Variants in NFILZ observed in about 807,000 individuals in gnomAD.
NFILZ encodes the protein NFIL3 like basic leucine zipper, also known as NFIL3 like protein.
intron 3 of NFILZ, among the ~76,000 whole-genome samples, chr19:8,647,927 C>G (rs546159554): frequency 6.6e-6 from 1 of 151,716 alleles, no homozygotes; most frequent in Non-Finnish European, 1.5e-5. Context: ...AATCCCAGCA[C>G]TTTGGGAGGC....
intron 3 of NFILZ, among the ~76,000 whole-genome samples, chr19:8,653,034 TTCTTTCTCTCTCTC>T (rs1242119011): frequency 2.7e-3 from 155 of 57,470 alleles, no homozygotes; most frequent in African/African-American, 9.0e-3. Flanking sequence ...CTTTCTTTCT[TTCTTTCTCTCTCTC>T]TCTCTCTCTC....
At chr19:8,671,937 G>T (rs1555750308) in intron 3 of NFILZ, among the ~76,000 whole-genome samples, 1 of 152,190 alleles carries the variant, frequency 6.6e-6, no homozygotes, top group Admixed American at 6.5e-5. Flanking sequence ...AGCTGTCTGG[G>T]CAGTGGAAGA....
intron 3 of NFILZ, among the ~76,000 whole-genome samples, chr19:8,654,192 A>G (rs2042981648): frequency 6.6e-6 from 1 of 152,094 alleles, no homozygotes; most frequent in Non-Finnish European, 1.5e-5. Flanking sequence ...AGGTCGTCTC[A>G]TTGCACTCCA....
At chr19:8,674,130 G>A (rs559583712) in intron 3 of NFILZ, among the ~76,000 whole-genome samples, 18 of 152,132 alleles carry the variant, frequency 1.2e-4, no homozygotes, top group Non-Finnish European at 2.4e-4. Context: ...ATGAGCCACC[G>A]CGCTTGGCCT....
chr19:8,657,569 T>A (rs1304579038), intron 3 of NFILZ, among the ~76,000 whole-genome samples: 1 of 152,120 alleles, frequency 6.6e-6, no homozygotes. Context: ...CCAGCTGTTG[T>A]CTGCTGGAGT....
At chr19:8,661,684 G>A (rs1445432092) in intron 3 of NFILZ, among the ~76,000 whole-genome samples, 1 of 152,184 alleles carries the variant, frequency 6.6e-6, no homozygotes, top group Admixed American at 6.5e-5. Context: ...TTGAGGTCAG[G>A]AGTTCGAGAC....
chr19:8,656,284 C>CCCGCAG lies in NFILZ; in HGVS notation c.-163-18265_-163-18264insGCAGCC, dbSNP rs1420223130. Among the ~76,000 whole-genome samples, 14 of 50,922 alleles carry CCCGCAG rather than the reference C, an allele frequency of 2.7e-4. 1 individual carries two copies. The highest frequency in any genetic ancestry group is 8.5e-4 in the South Asian group (1 of 1,178). The allele number at this position is 50,922 out of a possible 152,430, so 33.4% of individuals were successfully genotyped here. ...ATCTTCTCTCTGAAGCCCACCTTCT[C>CCCGCAG]CCCACAGCCCACCTCCTCCCGCAGC... is the stretch of plus-strand genomic sequence containing the variant. On this transcript the variant is annotated intron_variant, in intron 3 of 5. Coordinates refer to ENST00000691075, the MANE Select transcript of NFILZ (RefSeq NM_001378600.1).
chr19:8,642,953 CT>C (rs35200818), intron 3 of NFILZ, among the ~76,000 whole-genome samples: 36 of 139,276 alleles, frequency 2.6e-4, no homozygotes, highest in Admixed American at 2.2e-4. Flanking sequence ...GATTTTGACT[CT>C]TTTTTTTTTT....
chr19:8,678,374 A>G lies in NFILZ; in HGVS notation c.*739A>G, dbSNP rs1332010366. ...CATTTGTTTTTCCTTCTATCTATCCATCCATCCATTCATTCATCCACCCAT... is the reference window on the plus strand; with the variant it reads ...CATTTGTTTTTCCTTCTATCTATCCGTCCATCCATTCATTCATCCACCCAT... On this transcript the variant is annotated 3_prime_UTR_variant, in exon 6 of 6. Transcript: ENST00000691075. Among the ~76,000 whole-genome samples the G allele has an allele frequency of 6.6e-6, 1 of 150,690 alleles. No individual in the cohort carries two copies. Among genetic ancestry groups the G allele is most frequent in the African/African-American group, 2.4e-5 (1 of 40,840 alleles).
chr19:8,663,793 G>A (rs2043048999), intron 3 of NFILZ, among the ~76,000 whole-genome samples: 1 of 46,454 alleles, frequency 2.2e-5, no homozygotes, highest in Non-Finnish European at 4.3e-5. Flanking sequence ...TTTGTTGTGG[G>A]GGGGACTTGG....
chr19:8,656,350 T>TC (rs2042996690), intron 3 of NFILZ, among the ~76,000 whole-genome samples: 8 of 103,932 alleles, frequency 7.7e-5, no homozygotes, highest in African/African-American at 1.8e-4. Context: ...GAAGCCCACC[T>TC]CTTCCCTGAA....
intron 4 of NFILZ, among the ~76,000 whole-genome samples, chr19:8,675,853 T>C (rs2043107922): frequency 6.6e-6 from 1 of 152,152 alleles, no homozygotes; most frequent in South Asian, 2.1e-4. Context: ...GAAGAGTGAC[T>C]GACACATAGG....
chr19:8,647,519 C>T (rs1203073596), intron 3 of NFILZ, among the ~76,000 whole-genome samples: 2 of 151,718 alleles, frequency 1.3e-5, no homozygotes, highest in East Asian at 3.9e-4. Flanking sequence ...TTGCAGTGAG[C>T]CGAGATCGCA....
Position 8,656,423 on chromosome 19 carries a change from T to C in NFILZ, c.-163-18128T>C, listed in dbSNP as rs78061953. Reference sequence around the variant, plus strand: ...CCACCTTCTCTCTGAAACCCACCTCTTTCCGCAGCCCACCTTCTCCTCGAA... The same window carrying C: ...CCACCTTCTCTCTGAAACCCACCTCCTTCCGCAGCCCACCTTCTCCTCGAA... On this transcript the variant is annotated intron_variant, in intron 3 of 5. Coordinates refer to ENST00000691075, the MANE Select transcript of NFILZ (RefSeq NM_001378600.1). Among the ~76,000 whole-genome samples the C allele has an allele frequency of 8.9e-3, 515 of 58,026 alleles. 26 individuals are homozygous for C. Among genetic ancestry groups the C allele is most frequent in the East Asian group, 0.021 (37 of 1,800 alleles). 38.1% of individuals were successfully genotyped at this position (58,026 alleles called of 152,430 possible).
chr19:8,633,184 C>T (rs1555745749), intron 2 of NFILZ, among the ~76,000 whole-genome samples: 2 of 152,014 alleles, frequency 1.3e-5, no homozygotes, highest in Admixed American at 6.6e-5. Context: ...CCATGCCCAG[C>T]TAATTTTTTG....
At position 8,679,639 on chromosome 19, in the gene NFILZ, A is replaced by G. The variant is rs10427049; in HGVS notation, c.*2004A>G. The stretch of plus-strand genomic sequence containing the variant: ...GGGCATCCCTAGAATCCTGCACATC[A>G]CAGGTAGGACCTCCTCTACTTGCTC... On this transcript the variant is annotated 3_prime_UTR_variant, in exon 6 of 6. Coordinates refer to ENST00000691075, the MANE Select transcript of NFILZ (RefSeq NM_001378600.1). Among the ~76,000 whole-genome samples, 23,346 of 152,012 alleles carry G rather than the reference A, an allele frequency of 0.15. 2,657 individuals are homozygous for G. The highest frequency in any genetic ancestry group is 0.5 in the East Asian group (2,574 of 5,136).
chr19:8,638,319 C>A (rs528187516), intron 3 of NFILZ, among the ~76,000 whole-genome samples: 2 of 152,108 alleles, frequency 1.3e-5, no homozygotes, highest in Non-Finnish European at 2.9e-5. Context: ...GTGCGTTAGC[C>A]GCTGTGTGCA....
At chr19:8,660,433 G>A (rs2043024207) in intron 3 of NFILZ, among the ~76,000 whole-genome samples, 1 of 151,916 alleles carries the variant, frequency 6.6e-6, no homozygotes, top group African/African-American at 2.4e-5. Flanking sequence ...CATCGGTAAT[G>A]ATAAAGTAAG....
In NFILZ at chr19:8,680,682, A is replaced by G. The variant is rs1600159411; in HGVS notation, c.*3047A>G. 6.6e-6 allele frequency among the ~76,000 whole-genome samples: 1 copy of G among 152,176 alleles called. No individual in the cohort carries two copies. Among genetic ancestry groups the G allele is most frequent in the Admixed American group, 6.5e-5 (1 of 15,280 alleles). On this transcript the variant is annotated 3_prime_UTR_variant, in exon 6 of 6. Transcript: ENST00000691075. ...GATACGTGTCATGGAGAAAAAAGGG[A>G]GGCTTGGGAAAGGTAGGTGTGGGTG...
Sources: gnomAD v4.1 joint callset for allele counts (sites outside exome capture counted in the v4.1 genomes callset) on GRCh38, gnomAD v4.1.1 for gene constraint, MANE v1.5 for transcripts, NCBI Gene and HGNC (gene_info 2026-07-23, HGNC 2026-07-21) for gene names.